Variants in GABRG3 observed in about 807,000 individuals in gnomAD.
GABRG3 encodes gamma-aminobutyric acid type A receptor subunit gamma3, also known as gamma-aminobutyric acid receptor subunit gamma-3.
A neutral mutation model predicts 48.8 loss-of-function variants in GABRG3; 25 were observed. The ratio of observed to expected loss-of-function variants is 0.51; its 90% CI spans 0.37 to 0.72. The LOEUF (loss-of-function observed/expected upper bound fraction) is 0.72, where lower values mean the gene tolerates loss of function less well. GABRG3 is among the 30% of genes least tolerant of loss of function. The probability of loss-of-function intolerance (pLI) is 0.00; values close to 1 mark genes in which losing one functional copy is unlikely to be tolerated. For missense variants in GABRG3, 394 were observed against 577.9 expected (o/e 0.68, Z 3.26); for synonymous variants, 227 against 217.6 (o/e 1.04, Z -0.38).
chr15:27,094,814 A>G (rs1897245543), intron 3 of GABRG3, among the ~76,000 whole-genome samples: 2 of 152,232 alleles, frequency 1.3e-5, no homozygotes, highest in African/African-American at 4.8e-5. Flanking sequence ...ATTTAAAAAT[A>G]TAGCAAAGCA....
intron 7 of GABRG3, among the ~76,000 whole-genome samples, chr15:27,522,785 A>G (rs1482909965): frequency 6.6e-6 from 1 of 151,950 alleles, no homozygotes; most frequent in African/African-American, 2.4e-5. Flanking sequence ...GCCTGTGCCT[A>G]GTATTAGAGC....
chr15:27,309,755 G>C (rs1892932491), intron 3 of GABRG3, among the ~76,000 whole-genome samples: 1 of 152,066 alleles, frequency 6.6e-6, no homozygotes, highest in South Asian at 2.1e-4. Context: ...GAAACAGTTT[G>C]ACAGTTTCTT....
chr15:27,229,691 G>A (rs1055976146), intron 3 of GABRG3, among the ~76,000 whole-genome samples: 3 of 152,060 alleles, frequency 2.0e-5, no homozygotes, highest in Admixed American at 1.3e-4. Flanking sequence ...TGGCCAGGCT[G>A]GTCTCTAACT....
chr15:27,015,888 T>C (rs1895770284), intron 2 of GABRG3, among the ~76,000 whole-genome samples: 1 of 152,174 alleles, frequency 6.6e-6, no homozygotes, highest in African/African-American at 2.4e-5. Context: ...TAAAATACTT[T>C]GAATAATTTA....
At chr15:27,218,465 A>C (rs1340553184) in intron 3 of GABRG3, among the ~76,000 whole-genome samples, 3 of 152,176 alleles carry the variant, frequency 2.0e-5, no homozygotes, top group African/African-American at 7.2e-5. Flanking sequence ...AATAATCCAC[A>C]TCCCAAAGTG....
At chr15:27,362,617 T>C (rs1298082053) in intron 5 of GABRG3, 2 of 152,198 alleles carry the variant, frequency 1.3e-5, no homozygotes, top group Non-Finnish European at 2.9e-5. Flanking sequence ...AATATACACA[T>C]GGTAAAAATG....
chr15:27,327,960 C>T (rs1423904148), intron 4 of GABRG3, among the ~76,000 whole-genome samples: 1 of 152,160 alleles, frequency 6.6e-6, no homozygotes, highest in Admixed American at 6.5e-5. Flanking sequence ...AGAATTCCCA[C>T]AAGGAGAAAT....
At position 27,029,538 on chromosome 15, in the gene GABRG3, GCGCACACACA is replaced by G. The variant is rs546359192; in HGVS notation, c.270+2734_270+2743del. 1.1e-3 allele frequency among the ~76,000 whole-genome samples: 173 copies of G among 151,948 alleles called. 7 individuals are homozygous for G. The South Asian group carries it at 0.021, about 18-fold the overall frequency. ...ACATGCATCACACGCACACATACAGGCGCACACACACGCACACACACGCACATTTATATGT... is the reference window on the plus strand; with the variant it reads ...ACATGCATCACACGCACACATACAGGCGCACACACACGCACATTTATATGT... On this transcript the variant is annotated intron_variant, in intron 3 of 9. Transcript: ENST00000615808.
At position 27,541,242 on chromosome 15, in the gene GABRG3, C is replaced by G. The variant is rs1891656152; in HGVS notation, c.*8361C>G. 1 of 152,160 alleles carries G rather than the reference C, an allele frequency of 6.6e-6. No homozygotes were observed. The highest frequency in any genetic ancestry group is 1.5e-5 in the Non-Finnish European group (1 of 68,066). The allele number at this position is 152,160 out of a possible 1,614,324, so 9.4% of individuals were successfully genotyped here. A position where few individuals can be genotyped will look rare whatever the true frequency, so the allele number is the denominator to read the frequency against. On this transcript the variant is annotated 3_prime_UTR_variant, in exon 10 of 10. Coordinates refer to ENST00000615808, the MANE Select transcript of GABRG3 (RefSeq NM_033223.5). ...TTCGTGCATTCTGGTCAAGTTGACC[C>G]GATAAGCCAAAAGTACTTTTCAAGA...
chr15:27,377,878 A>T lies in GABRG3; in HGVS notation c.574+48990A>T, dbSNP rs1291368577. Among the ~76,000 whole-genome samples the T allele has an allele frequency of 2.0e-5, 3 of 152,336 alleles. No individual in the cohort carries two copies. The East Asian group carries it at 5.8e-4, about 29-fold the overall frequency. On this transcript the variant is annotated intron_variant, in intron 5 of 9. Transcript: ENST00000615808. ...TTCGTGTCTTATTCAGCCAAATTTTAGTTGACCTTTACCCAGTTCTGAACT... is the reference window on the plus strand; with the variant it reads ...TTCGTGTCTTATTCAGCCAAATTTTTGTTGACCTTTACCCAGTTCTGAACT...
At position 27,423,064 on chromosome 15, in the gene GABRG3, C is replaced by T. The variant is rs544514644; in HGVS notation, c.575-57586C>T. Among the ~76,000 whole-genome samples the T allele has an allele frequency of 7.8e-3, 1,190 of 151,952 alleles. 23 individuals are homozygous for T. The highest frequency in any genetic ancestry group is 0.028 in the African/African-American group (1,155 of 41,422). On this transcript the variant is annotated intron_variant, in intron 5 of 9. Transcript: ENST00000615808. ...GGGGGTCCAGGGCTTTTATAAAGGG[C>T]TGGCCACAGAGACACATCTTACTAT...
chr15:27,311,750 T>C (rs968593163), intron 3 of GABRG3, among the ~76,000 whole-genome samples: 5 of 152,028 alleles, frequency 3.3e-5, no homozygotes, highest in African/African-American at 9.7e-5. Context: ...GGACACAGTA[T>C]ATTCTAGATG....
rs566699425 is a variant in GABRG3, at chr15:27,327,097, G to A, written c.491+68G>A. On this transcript the variant is annotated intron_variant, in intron 4 of 9. Transcript: ENST00000615808. ...GGGATCCTTAATTTGAATCACTGTAGGAATGAGACCCTATTTTCATCTCTA... is the reference window on the plus strand; with the variant it reads ...GGGATCCTTAATTTGAATCACTGTAAGAATGAGACCCTATTTTCATCTCTA... 17 of 1,317,576 alleles carry A rather than the reference G, an allele frequency of 1.3e-5. No homozygotes were observed. In the African/African-American group the frequency reaches 2.5e-4, roughly 19 times the overall value. 81.6% of individuals were successfully genotyped at this position (1,317,576 alleles called of 1,614,324 possible). A position where few individuals can be genotyped will look rare whatever the true frequency, so the allele number is the denominator to read the frequency against.
At chr15:27,272,155 C>T (rs1166396869) in intron 3 of GABRG3, among the ~76,000 whole-genome samples, 1 of 152,228 alleles carries the variant, frequency 6.6e-6, no homozygotes, top group African/African-American at 2.4e-5. Context: ...GATTTCTTCC[C>T]TCTTTCTTAT....
rs145606036 is a variant in GABRG3 at position 27,276,797 on chromosome 15, G to A, written c.271-50012G>A. Among the ~76,000 whole-genome samples the A allele has an allele frequency of 9.9e-5, 15 of 152,250 alleles. No individual in the cohort carries two copies. In the East Asian group the frequency reaches 2.9e-3, roughly 29 times the overall value. On this transcript the variant is annotated intron_variant, in intron 3 of 9. Transcript: ENST00000615808. ...GAAAACATTTGGACAAAGCAAAGTC[G>A]AAGCAGGCTCCAAATTTGGATTGTG...
At chr15:27,492,501 C>G (rs559000135) in intron 6 of GABRG3, among the ~76,000 whole-genome samples, 1 of 152,270 alleles carries the variant, frequency 6.6e-6, no homozygotes, top group South Asian at 2.1e-4. Flanking sequence ...GGAGAGAGAG[C>G]AGTTGAGCCT....
chr15:27,110,448 C>T (rs1897528330), intron 3 of GABRG3, among the ~76,000 whole-genome samples: 2 of 151,932 alleles, frequency 1.3e-5, no homozygotes, highest in South Asian at 4.2e-4. Context: ...ATTTTACCTC[C>T]ACTTATTGCT....
intron 3 of GABRG3, among the ~76,000 whole-genome samples, chr15:27,288,691 C>T (rs1322247170): frequency 6.9e-6 from 1 of 144,846 alleles, no homozygotes; most frequent in East Asian, 2.0e-4. Context: ...CCAGCCTGGG[C>T]AACAAGAGCA....
intron 5 of GABRG3, among the ~76,000 whole-genome samples, chr15:27,339,438 T>A (rs972257135): frequency 3.3e-5 from 5 of 152,216 alleles, no homozygotes. Context: ...GTGAGGTGGA[T>A]GTTTATCATC....
Sources: allele counts gnomAD v4.1 joint callset (sites outside exome capture counted in the v4.1 genomes callset), GRCh38; gene constraint gnomAD v4.1.1; transcripts MANE v1.5; gene names NCBI Gene and HGNC (gene_info 2026-07-23, HGNC 2026-07-21).